The following TGIF2 variants were observed in gnomAD, a reference collection of about 807,000 sequenced individuals.
The protein encoded by TGIF2 is homeobox protein TGIF2.
Under a neutral mutation model 15.1 loss-of-function variants are expected in TGIF2, and 5 were observed. The ratio of observed to expected loss-of-function variants is 0.33; its 90% confidence interval spans 0.17 to 0.70. The LOEUF is 0.70. Among genes scored for constraint, TGIF2 ranks in the 30% least tolerant of loss-of-function variants. The probability of loss-of-function intolerance (pLI) is 0.67; values close to 1 mark genes in which losing one functional copy is unlikely to be tolerated. For missense variants in TGIF2, 264 were observed against 302.5 expected (o/e 0.87, Z 0.94); for synonymous variants, 131 against 128.9 (o/e 1.02, Z -0.11).
At chr20:36,574,806 G>C (rs1294880459) in intron 1 of TGIF2, 4 of 152,468 alleles carry the variant, frequency 2.6e-5, no homozygotes, top group Admixed American at 6.5e-5. Context: ...TCTGGGCCGC[G>C]GGGGAGGTTG....
intron 2 of TGIF2, 123 bp from the exon 3 acceptor site, chr20:36,590,786 TG>T: frequency 9.1e-7 from 1 of 1,093,788 alleles, no homozygotes; most frequent in East Asian, 2.5e-5. Flanking sequence ...CTTGAACTCC[TG>T]GGCTTAAGCA....
intron 1 of TGIF2, 64 bp from the exon 2 acceptor site, chr20:36,578,677 T>C (rs2147923371): frequency 6.1e-6 from 9 of 1,483,022 alleles, no homozygotes; most frequent in South Asian, 2.7e-5. Flanking sequence ...CTGAGCATGT[T>C]TGGAGACTAG....
intron 2 of TGIF2, among the ~76,000 whole-genome samples, chr20:36,586,970 C>G (rs1306164525): frequency 6.6e-6 from 1 of 152,230 alleles, no homozygotes; most frequent in African/African-American, 2.4e-5. Context: ...AGCAGCCTCT[C>G]AGATAGAGCC....
chr20:36,580,600 C>G (rs1053523043), intron 2 of TGIF2, among the ~76,000 whole-genome samples: 3 of 151,480 alleles, frequency 2.0e-5, no homozygotes, highest in African/African-American at 4.9e-5. Flanking sequence ...TCGCATGCGC[C>G]CAGGAGTTTG....
intron 2 of TGIF2, among the ~76,000 whole-genome samples, chr20:36,581,541 C>T (rs2038545988): frequency 6.6e-6 from 1 of 152,168 alleles, no homozygotes; most frequent in Non-Finnish European, 1.5e-5. Context: ...CCTGTCCTGT[C>T]AAACCACTTG....
At chr20:36,582,171 A>G (rs1028341028) in intron 2 of TGIF2, among the ~76,000 whole-genome samples, 3 of 152,028 alleles carry the variant, frequency 2.0e-5, no homozygotes, top group African/African-American at 7.2e-5. Flanking sequence ...CGGGAGGCGG[A>G]GGTTGCGGTG....
chr20:36,574,419 A>T (rs2038368565), intron 1 of TGIF2: 1 of 33,148 alleles, frequency 3.0e-5, no homozygotes, highest in African/African-American at 1.0e-4. Context: ...GGCGGCCAAC[A>T]TGGAGTCTGG....
rs749572067 is a variant in TGIF2, at chr20:36,591,179, C to T, written c.462C>T (p.Pro154=). The change falls in exon 3 of 3, where the codon CCC becomes CCT. Residue 154 remains proline (P), a synonymous_variant. Transcript: ENST00000373872. This position sits in a 1 kb window ranked among gnomAD's most constrained non-coding sequence, Gnocchi z 5.3. ...TCCCACGTGGGGAGCTGGAGTCTCC[C>T]AAGCCCCTGGTGACCCCTGGTAGCA... ...APFPRGELES[P]KPLVTPGSTL... 1.9e-6 allele frequency: 3 copies of T among 1,614,216 alleles called. No homozygotes were observed. Among genetic ancestry groups the T allele is most frequent in the Non-Finnish European group, 2.5e-6 (3 of 1,180,018 alleles).
At position 36,591,502 on chromosome 20, in the gene TGIF2, C is replaced by CAGAG. The variant is rs1194306478; in HGVS notation, c.*72_*75dup. The CAGAG allele has an allele frequency of 1.3e-6, 2 of 1,482,774 alleles. No homozygotes were observed. The highest frequency in any genetic ancestry group is 1.8e-6 in the Non-Finnish European group (2 of 1,099,484). 91.9% of individuals were successfully genotyped at this position (1,482,774 alleles called of 1,614,324 possible). A position where few individuals can be genotyped will look rare whatever the true frequency, so the allele number is the denominator to read the frequency against. On this transcript the variant is annotated 3_prime_UTR_variant, in exon 3 of 3. Transcript: ENST00000373872. This position sits in a 1 kb window ranked among gnomAD's most constrained non-coding sequence, Gnocchi z 5.3. The stretch of plus-strand genomic sequence containing the variant: ...GTTTCCGTTTTGGTTCCCTTTCATA[C>CAGAG]AGAGGGTTTTCTATGGATCACTGCC...
chr20:36,573,512 C>G (rs1483082865), upstream of TGIF2: 2 of 150,146 alleles, frequency 1.3e-5, no homozygotes, highest in Non-Finnish European at 3.0e-5. Flanking sequence ...CAGCTCGTCG[C>G]GCTCCGCACA....
intron 2 of TGIF2, among the ~76,000 whole-genome samples, chr20:36,586,819 A>G (rs2038669913): frequency 6.6e-6 from 1 of 151,870 alleles, no homozygotes; most frequent in African/African-American, 2.4e-5. Flanking sequence ...AAGGCGCCTC[A>G]GTGCCTTTGC....
rs903497570 is a variant in TGIF2, at chr20:36,591,644, C to T, written c.*213C>T. The T allele has an allele frequency of 3.4e-5, 18 of 526,194 alleles. No individual in the cohort carries two copies. The highest frequency in any genetic ancestry group is 2.7e-4 in the East Asian group (9 of 33,210). The allele number at this position is 526,194 out of a possible 1,614,324, so 32.6% of individuals were successfully genotyped here. On this transcript the variant is annotated 3_prime_UTR_variant, in exon 3 of 3. Coordinates refer to ENST00000373872, the MANE Select transcript of TGIF2 (RefSeq NM_021809.7). This position sits in a 1 kb window ranked among gnomAD's most constrained non-coding sequence, Gnocchi z 5.3. The stretch of plus-strand genomic sequence containing the variant: ...TGACTCTGCCGTTTCTCCAGGCCTC[C>T]GCTCAGTGATGAGACCAAGAGATCG...
At chr20:36,584,847 T>C (rs961822232) in intron 2 of TGIF2, among the ~76,000 whole-genome samples, 50 of 152,178 alleles carry the variant, frequency 3.3e-4, no homozygotes, top group African/African-American at 1.2e-3. Flanking sequence ...CCCGGCCTCC[T>C]GTATTTAATT....
rs1235737381 is a variant in TGIF2 at position 36,593,229 on chromosome 20, C to G, written c.*1798C>G. Reference sequence around the variant, plus strand: ...CAGCCTTTAGTTTTCCTGAAATCACCAGGTCAGGCACAAGGAGAAAAGGTT... The same window carrying G: ...CAGCCTTTAGTTTTCCTGAAATCACGAGGTCAGGCACAAGGAGAAAAGGTT... On this transcript the variant is annotated 3_prime_UTR_variant, in exon 3 of 3. Transcript: ENST00000373872. 1 of 152,364 alleles carries G rather than the reference C, an allele frequency of 6.6e-6. No homozygotes were observed. The highest frequency in any genetic ancestry group is 1.5e-5 in the Non-Finnish European group (1 of 68,024). The allele number at this position is 152,364 out of a possible 1,614,324, so 9.4% of individuals were successfully genotyped here. A position where few individuals can be genotyped will look rare whatever the true frequency, so the allele number is the denominator to read the frequency against.
rs1314073291 is a variant in TGIF2 at position 36,591,671 on chromosome 20, A to T, written c.*240A>T. The T allele has an allele frequency of 2.3e-6, 1 of 441,074 alleles. No individual in the cohort carries two copies. Among genetic ancestry groups the T allele is most frequent in the African/African-American group, 2.0e-5 (1 of 51,246 alleles). The allele number at this position is 441,074 out of a possible 1,614,324, so 27.3% of individuals were successfully genotyped here. A position where few individuals can be genotyped will look rare whatever the true frequency, so the allele number is the denominator to read the frequency against. ...CTCAGTGATGAGACCAAGAGATCGG[A>T]GACAAGCATGGTGCTGCTGCTTCTG... is the stretch of plus-strand genomic sequence containing the variant. On this transcript the variant is annotated 3_prime_UTR_variant, in exon 3 of 3. Coordinates refer to ENST00000373872, the MANE Select transcript of TGIF2 (RefSeq NM_021809.7). The surrounding 1 kb of genome is among the most constrained non-coding windows in gnomAD (Gnocchi z 5.3).
intron 2 of TGIF2, among the ~76,000 whole-genome samples, chr20:36,588,824 C>A (rs1479184949): frequency 6.6e-6 from 1 of 152,172 alleles, no homozygotes; most frequent in Non-Finnish European, 1.5e-5. Flanking sequence ...AAGACAGGAC[C>A]AGAAGAAGGA....
chr20:36,578,069 G>A (rs1425125475), intron 1 of TGIF2, among the ~76,000 whole-genome samples: 3 of 152,140 alleles, frequency 2.0e-5, no homozygotes, highest in African/African-American at 7.2e-5. Context: ...GATAATAATA[G>A]CTTCTCCCTT....
chr20:36,576,601 G>A (rs1346756300), intron 1 of TGIF2, among the ~76,000 whole-genome samples: 1 of 151,940 alleles, frequency 6.6e-6, no homozygotes, highest in Non-Finnish European at 1.5e-5. Context: ...TTCCTTTACA[G>A]CTTTATTGAG....
intron 2 of TGIF2, among the ~76,000 whole-genome samples, chr20:36,585,976 G>A (rs2038649653): frequency 6.6e-6 from 1 of 152,178 alleles, no homozygotes; most frequent in Non-Finnish European, 1.5e-5. Context: ...CCCATACCGG[G>A]GCAGGGGCAG....
Sources: allele counts gnomAD v4.1 joint callset (sites outside exome capture counted in the v4.1 genomes callset), GRCh38; gene constraint gnomAD v4.1.1; non-coding constraint Gnocchi (gnomAD v3.1); transcripts MANE v1.5; gene names NCBI Gene and HGNC (gene_info 2026-07-23, HGNC 2026-07-21).